Variants in RBFOX3 observed in about 807,000 individuals in gnomAD.
RBFOX3 encodes the protein RNA binding protein fox-1 homolog 3.
RBFOX3 carries 17 observed loss-of-function variants against 48.7 expected under a neutral mutation model. That is an observed-to-expected ratio of 0.35 (90% CI 0.24 to 0.52). RBFOX3 has a LOEUF of 0.52. RBFOX3 is among the 20% of genes least tolerant of loss of function. The pLI is 0.94. For missense variants in RBFOX3, 382 were observed against 497.5 expected, an observed-to-expected ratio of 0.77 and a Z score of 2.21; for synonymous variants, 212 against 209.5, an observed-to-expected ratio of 1.01 and a Z score of -0.10.
Position 79,090,696 on chromosome 17 carries a change from C to T in RBFOX3, c.*187G>A, listed in dbSNP as rs2073708619. The T allele has an allele frequency of 4.2e-6, 3 of 715,096 alleles. No individual in the cohort carries two copies. In the South Asian group the frequency reaches 6.2e-5, roughly 15 times the overall value. The allele number at this position is 715,096 out of a possible 1,614,324, so 44.3% of individuals were successfully genotyped here. A position where few individuals can be genotyped will look rare whatever the true frequency, so the allele number is the denominator to read the frequency against. On this transcript the variant is annotated 3_prime_UTR_variant, in exon 15 of 15. Coordinates refer to ENST00000693108, the MANE Select transcript of RBFOX3 (RefSeq NM_001350451.2). ...GGCCGCTCCTCGGCGCCCCTGCCGGCGTGCTCCCTCGGTGCGGGCGTGTGG... is the reference window on the plus strand; with the variant it reads ...GGCCGCTCCTCGGCGCCCCTGCCGGTGTGCTCCCTCGGTGCGGGCGTGTGG...
chr17:79,382,877 T>C (rs1307686425), intron 2 of RBFOX3, among the ~76,000 whole-genome samples: 3 of 152,298 alleles, frequency 2.0e-5, no homozygotes, highest in Non-Finnish European at 2.9e-5. Context: ...TCCAGAACCT[T>C]GCTGACCTCT....
intron 2 of RBFOX3, among the ~76,000 whole-genome samples, chr17:79,438,818 G>A (rs1203765920): frequency 6.6e-6 from 1 of 152,252 alleles, no homozygotes; most frequent in Admixed American, 6.5e-5. Flanking sequence ...CAGGAGCTGA[G>A]GGGAGGGATG....
At chr17:79,354,331 T>C (rs773344753) in intron 2 of RBFOX3, among the ~76,000 whole-genome samples, 2 of 152,220 alleles carry the variant, frequency 1.3e-5, no homozygotes, top group Non-Finnish European at 2.9e-5. Flanking sequence ...TCAGTTCTAC[T>C]CATTGACAAT....
intron 1 of RBFOX3, among the ~76,000 whole-genome samples, chr17:79,589,367 G>C (rs2093352793): frequency 6.6e-6 from 1 of 152,148 alleles, no homozygotes; most frequent in South Asian, 2.1e-4. Context: ...GCCAAGTGCT[G>C]TCTTCTCCCT....
chr17:79,540,478 C>T (rs529029418), intron 1 of RBFOX3, among the ~76,000 whole-genome samples: 2 of 152,350 alleles, frequency 1.3e-5, no homozygotes, highest in South Asian at 2.1e-4. Context: ...TCCTCCTCAG[C>T]GTGTCAGGCA....
chr17:79,290,010 G>C (rs529508287), intron 3 of RBFOX3, among the ~76,000 whole-genome samples: 45 of 152,302 alleles, frequency 3.0e-4, no homozygotes, highest in Admixed American at 3.3e-4. Context: ...GTTCCCAGAG[G>C]GTTCAGACAG....
At chr17:79,447,870 G>A (rs1256005866) in intron 2 of RBFOX3, among the ~76,000 whole-genome samples, 1 of 152,204 alleles carries the variant, frequency 6.6e-6, no homozygotes, top group African/African-American at 2.4e-5. Context: ...AATATTGGGG[G>A]AGGGACCTGG....
intron 1 of RBFOX3, among the ~76,000 whole-genome samples, chr17:79,570,966 C>A (rs1183651424): frequency 2.0e-5 from 3 of 151,968 alleles, no homozygotes; most frequent in South Asian, 2.1e-4. Context: ...GAGGGGGGGC[C>A]CCCGGGAGAA....
rs1052632852 is a variant in RBFOX3, at chr17:79,477,519, G to A, written c.-175+4935C>T. 7.9e-5 allele frequency among the ~76,000 whole-genome samples: 12 copies of A among 151,876 alleles called. No homozygotes were observed. Among genetic ancestry groups the A allele is most frequent in the South Asian group, 4.1e-4 (2 of 4,820 alleles). ...TGCAGTGAGCTGAGATCGCCCCATC[G>A]CACTCCAGCCTGGGCGACAGAGCGA... On this transcript the variant is annotated intron_variant, in intron 2 of 14. Coordinates refer to ENST00000693108, the MANE Select transcript of RBFOX3 (RefSeq NM_001350451.2). This position sits in a 1 kb window ranked among gnomAD's most constrained non-coding sequence, Gnocchi z 4.8.
chr17:79,254,673 C>G lies in RBFOX3; in HGVS notation c.-73-18868G>C, dbSNP rs778108005. Among the ~76,000 whole-genome samples the G allele has an allele frequency of 6.6e-6, 1 of 152,150 alleles. No individual in the cohort carries two copies. The highest frequency in any genetic ancestry group is 2.4e-5 in the African/African-American group (1 of 41,422). On this transcript the variant is annotated intron_variant, in intron 3 of 14. Coordinates refer to ENST00000693108, the MANE Select transcript of RBFOX3 (RefSeq NM_001350451.2). The surrounding 1 kb of genome is among the most constrained non-coding windows in gnomAD (Gnocchi z 4.8). ...CCACTTCTGAGCCCTCTTGGCGATT[C>G]GTATACTTGCCCCTCCATGCAGTGT...
chr17:79,433,069 G>A (rs2080756257), intron 2 of RBFOX3, among the ~76,000 whole-genome samples: 1 of 152,160 alleles, frequency 6.6e-6, no homozygotes, highest in Admixed American at 6.5e-5. Flanking sequence ...TGTTGGTGTG[G>A]TTGGCAAGCT....
chr17:79,367,533 G>A (rs1294939877), intron 2 of RBFOX3, among the ~76,000 whole-genome samples: 8 of 152,098 alleles, frequency 5.3e-5, no homozygotes, highest in East Asian at 1.9e-4. Flanking sequence ...AGGAGAGACC[G>A]AGACAAGAGA....
intron 4 of RBFOX3, among the ~76,000 whole-genome samples, chr17:79,225,887 A>G (rs1197963626): frequency 1.3e-5 from 2 of 151,936 alleles, no homozygotes; most frequent in African/African-American, 2.4e-5. Flanking sequence ...GTCAACAAAC[A>G]TAATTTAGAA....
intron 2 of RBFOX3, among the ~76,000 whole-genome samples, chr17:79,448,012 T>C (rs57464652): frequency 0.033 from 5,042 of 152,288 alleles, 298 homozygotes; most frequent in African/African-American, 0.11. Context: ...TGCTGCCATG[T>C]GAAGACGTGC....
chr17:79,204,799 A>G lies in RBFOX3; in HGVS notation c.-34+30967T>C, dbSNP rs189680385. On this transcript the variant is annotated intron_variant, in intron 4 of 14. Transcript: ENST00000693108. The surrounding 1 kb of genome is among the most constrained non-coding windows in gnomAD (Gnocchi z 4.5). ...AAGATTCTAGAATAGCAGGGGCCAG[A>G]TAGTTGCATTTAACCATCAGAGGCA... 6.6e-6 allele frequency among the ~76,000 whole-genome samples: 1 copy of G among 152,288 alleles called. No homozygotes were observed. The highest frequency in any genetic ancestry group is 1.9e-4 in the East Asian group (1 of 5,182).
intron 2 of RBFOX3, among the ~76,000 whole-genome samples, chr17:79,348,151 C>T (rs772759865): frequency 6.6e-6 from 1 of 152,184 alleles, no homozygotes; most frequent in African/African-American, 2.4e-5. Context: ...GTCTCCTGGT[C>T]GTCTGCAGAA....
chr17:79,167,867 G>C (rs924822239), intron 4 of RBFOX3, among the ~76,000 whole-genome samples: 3 of 152,186 alleles, frequency 2.0e-5, no homozygotes, highest in Non-Finnish European at 4.4e-5. Context: ...GCTCATCCGG[G>C]ACCCTCCAGG....
chr17:79,618,006 C>A, the RBFOX3 span, among the ~76,000 whole-genome samples: 1 of 152,232 alleles, frequency 6.6e-6, no homozygotes, highest in Non-Finnish European at 1.5e-5. Context: ...TGCCCAGTGG[C>A]TTTCAGTTCT....
rs969452056 is a variant in RBFOX3 at position 79,195,208 on chromosome 17, C to A, written c.-34+40558G>T. On this transcript the variant is annotated intron_variant, in intron 4 of 14. Transcript: ENST00000693108. The surrounding 1 kb of genome is among the most constrained non-coding windows in gnomAD (Gnocchi z 5.3). ...GTCAGGAGTTCGAGACCAGCCTGGT[C>A]AACATGGTGAAACCCTGTTTCTACT... Among the ~76,000 whole-genome samples, 2 of 152,074 alleles carry A rather than the reference C, an allele frequency of 1.3e-5. No individual in the cohort carries two copies. Among genetic ancestry groups the A allele is most frequent in the Non-Finnish European group, 2.9e-5 (2 of 68,012 alleles).
Sources: allele counts gnomAD v4.1 joint callset (sites outside exome capture counted in the v4.1 genomes callset), GRCh38; gene constraint gnomAD v4.1.1; non-coding constraint Gnocchi (gnomAD v3.1); transcripts MANE v1.5; gene names NCBI Gene and HGNC (gene_info 2026-07-23, HGNC 2026-07-21).